SLCO3A1: variants seen among roughly 807,000 people sequenced by gnomAD.
SLCO3A1 encodes the protein PGE1 transporter.
SLCO3A1 carries 27 observed loss-of-function variants against 63.1 expected under a neutral mutation model. That is an observed-to-expected ratio of 0.43 (90% CI 0.32 to 0.59). The LOEUF (loss-of-function observed/expected upper bound fraction) is 0.59, where lower values mean the gene tolerates loss of function less well. Among genes scored for constraint, SLCO3A1 ranks in the 20% least tolerant of loss-of-function variants. The pLI is 0.09. For synonymous variants in SLCO3A1, 473 were observed against 409.9 expected, an observed-to-expected ratio of 1.15 and a Z score of -1.86; for missense variants, 773 against 945.8, an observed-to-expected ratio of 0.82 and a Z score of 2.40.
chr15:92,044,455 G>C (rs2046836094), intron 2 of SLCO3A1, among the ~76,000 whole-genome samples: 1 of 152,060 alleles, frequency 6.6e-6, no homozygotes, highest in Non-Finnish European at 1.5e-5. Flanking sequence ...ATTCTCTCAG[G>C]CAAGCAAACA....
rs1232580231 is a variant in SLCO3A1 at position 91,883,265 on chromosome 15, T to G, written c.180+29177T>G. Among the ~76,000 whole-genome samples, 1 of 152,168 alleles carries G rather than the reference T, an allele frequency of 6.6e-6. No homozygotes were observed. Among genetic ancestry groups the G allele is most frequent in the Non-Finnish European group, 1.5e-5 (1 of 68,020 alleles). On this transcript the variant is annotated intron_variant, in intron 1 of 9. Transcript: ENST00000318445. The surrounding 1 kb of genome is among the most constrained non-coding windows in gnomAD (Gnocchi z 4.8). The stretch of plus-strand genomic sequence containing the variant: ...AGGAGTCTTCCTGTGTGAAGTCAGC[T>G]TGTTTGGAGAGTGAAGAGAGAAACT...
chr15:92,143,930 C>T lies in SLCO3A1; in HGVS notation c.1513-3054C>T, dbSNP rs747956881. Among the ~76,000 whole-genome samples, 9 of 152,272 alleles carry T rather than the reference C, an allele frequency of 5.9e-5. No individual in the cohort carries two copies. In the East Asian group the frequency reaches 1.2e-3, roughly 20 times the overall value. ...CTCAGGAGATCTGATGGGCACTCTG[C>T]GATGTGGGGAGCCACGTGGCCTGCA... On this transcript the variant is annotated intron_variant, in intron 7 of 9. Coordinates refer to ENST00000318445, the MANE Select transcript of SLCO3A1 (RefSeq NM_013272.4).
intron 2 of SLCO3A1, among the ~76,000 whole-genome samples, chr15:92,036,359 CTTTTTTTTTT>C (rs768649802): frequency 2.0e-5 from 1 of 50,364 alleles, no homozygotes; most frequent in Non-Finnish European, 4.5e-5. Context: ...CTGAGGTTTT[CTTTTTTTTTT>C]TTTTTTTTCT....
chr15:91,920,899 AC>A (rs1898821632), intron 2 of SLCO3A1, among the ~76,000 whole-genome samples: 1 of 152,132 alleles, frequency 6.6e-6, no homozygotes, highest in African/African-American at 2.4e-5. Context: ...CGGAGCTAAG[AC>A]CTTTGCTCCA....
chr15:92,008,959 G>A (rs1009471688), intron 2 of SLCO3A1, among the ~76,000 whole-genome samples: 3 of 152,324 alleles, frequency 2.0e-5, no homozygotes, highest in East Asian at 3.9e-4. Context: ...GATTTCTGAT[G>A]TGTAAAATGA....
intron 1 of SLCO3A1, among the ~76,000 whole-genome samples, chr15:91,873,584 T>A (rs12900961): frequency 6.7e-6 from 1 of 149,226 alleles, no homozygotes; most frequent in Non-Finnish European, 1.5e-5. Flanking sequence ...ATACATACTT[T>A]ATTTCAGGAC....
chr15:91,895,281 G>C (rs1027621620), intron 1 of SLCO3A1, among the ~76,000 whole-genome samples: 1 of 152,188 alleles, frequency 6.6e-6, no homozygotes, highest in African/African-American at 2.4e-5. Context: ...TTAATAATAT[G>C]ATGATCAGTT....
intron 2 of SLCO3A1, among the ~76,000 whole-genome samples, chr15:91,990,645 C>T (rs1567054771): frequency 7.3e-6 from 1 of 137,128 alleles, no homozygotes; most frequent in Non-Finnish European, 1.6e-5. Context: ...GATGTTCAGC[C>T]TCAAGAAAAA....
intron 2 of SLCO3A1, among the ~76,000 whole-genome samples, chr15:92,052,312 G>A (rs2046967681): frequency 1.3e-5 from 2 of 152,052 alleles, no homozygotes; most frequent in African/African-American, 2.4e-5. Flanking sequence ...CAGGAAAGAG[G>A]GTGAGCAATA....
intron 7 of SLCO3A1, among the ~76,000 whole-genome samples, chr15:92,128,757 T>C (rs2047957387): frequency 6.6e-6 from 1 of 152,098 alleles, no homozygotes; most frequent in Non-Finnish European, 1.5e-5. Flanking sequence ...AAGATGGTGG[T>C]TCAAGGTACT....
intron 2 of SLCO3A1, among the ~76,000 whole-genome samples, chr15:92,034,733 C>T (rs62008567): frequency 6.6e-6 from 1 of 151,450 alleles, no homozygotes; most frequent in Non-Finnish European, 1.5e-5. Flanking sequence ...CCCACTTTCA[C>T]GCCTGGGAAG....
At position 92,051,812 on chromosome 15, in the gene SLCO3A1, C is replaced by G. The variant is rs151216324; in HGVS notation, c.647-43069C>G. 2.4e-3 allele frequency among the ~76,000 whole-genome samples: 365 copies of G among 152,300 alleles called. 3 individuals are homozygous for G. Among genetic ancestry groups the G allele is most frequent in the African/African-American group, 7.8e-3 (326 of 41,554 alleles). ...ATTTTCCATTGATGGCCTCCTCCCTCTCCTTTTAGTTCAAGCTGGACAGAA... is the reference window on the plus strand; with the variant it reads ...ATTTTCCATTGATGGCCTCCTCCCTGTCCTTTTAGTTCAAGCTGGACAGAA... On this transcript the variant is annotated intron_variant, in intron 2 of 9. Transcript: ENST00000318445.
intron 1 of SLCO3A1, among the ~76,000 whole-genome samples, chr15:91,904,507 A>G (rs544289040): frequency 1.3e-5 from 2 of 152,338 alleles, no homozygotes; most frequent in East Asian, 3.9e-4. Flanking sequence ...ACATCCAATT[A>G]GCAGTTAATA....
intron 9 of SLCO3A1, 127 bp from the exon 10 acceptor site, chr15:92,162,629 C>A: frequency 7.0e-7 from 1 of 1,432,580 alleles, no homozygotes; most frequent in Non-Finnish European, 9.3e-7. Flanking sequence ...GCCTCCTGAG[C>A]ATGTCTTTGA....
Position 91,916,578 on chromosome 15 carries a change from G to A in SLCO3A1, c.646+120G>A. 1.4e-6 allele frequency: 1 copy of A among 733,880 alleles called. No individual in the cohort carries two copies. The highest frequency in any genetic ancestry group is 2.2e-6 in the Non-Finnish European group (1 of 459,762). The allele number at this position is 733,880 out of a possible 1,614,324, so 45.5% of individuals were successfully genotyped here. A position where few individuals can be genotyped will look rare whatever the true frequency, so the allele number is the denominator to read the frequency against. ...GTTCTCAGACTTGGCTGCACACCTA[G>A]TGTTCTTGAAAAATACTCATGCCTG... On this transcript the variant is annotated intron_variant, in intron 2 of 9. Coordinates refer to ENST00000318445, the MANE Select transcript of SLCO3A1 (RefSeq NM_013272.4). The surrounding 1 kb of genome is among the most constrained non-coding windows in gnomAD (Gnocchi z 6.2).
Position 92,165,880 on chromosome 15 carries a change from G to A in SLCO3A1, c.*2745G>A. 1.0e-6 allele frequency: 1 copy of A among 985,328 alleles called. No individual in the cohort carries two copies. The highest frequency in any genetic ancestry group is 1.2e-6 in the Non-Finnish European group (1 of 829,896). The allele number at this position is 985,328 out of a possible 1,614,324, so 61.0% of individuals were successfully genotyped here. ...ATTTACAGAATACAAAAATGTACGG[G>A]ATGGAATAAACCTAGAAAGTGAATG... On this transcript the variant is annotated 3_prime_UTR_variant, in exon 10 of 10. Transcript: ENST00000318445.
chr15:92,059,485 CAGGACACATGCCTGGCCCTCAGG>C (rs1055708490), intron 2 of SLCO3A1, among the ~76,000 whole-genome samples: 57 of 152,338 alleles, frequency 3.7e-4, no homozygotes, highest in African/African-American at 1.4e-3. Context: ...CAGGGCTTCA[CAGGACACATGCCTGGCCCTCAGG>C]GAAGCTTGTC....
chr15:91,891,415 T>C (rs997955860), intron 1 of SLCO3A1, among the ~76,000 whole-genome samples: 2 of 152,186 alleles, frequency 1.3e-5, no homozygotes, highest in East Asian at 3.9e-4. Flanking sequence ...CTCTTGAAGG[T>C]CACTTATCCT....
chr15:92,159,788 T>C (rs2048415277), intron 9 of SLCO3A1, among the ~76,000 whole-genome samples: 1 of 152,130 alleles, frequency 6.6e-6, no homozygotes, highest in Admixed American at 6.5e-5. Flanking sequence ...CACATAGCAG[T>C]ATGCCCTACT....
Sources: gnomAD v4.1 joint callset for allele counts (sites outside exome capture counted in the v4.1 genomes callset) on GRCh38, gnomAD v4.1.1 for gene constraint, Gnocchi (gnomAD v3.1) non-coding constraint, MANE v1.5 for transcripts, NCBI Gene and HGNC (gene_info 2026-07-23, HGNC 2026-07-21) for gene names.